Variants in FRMD4A observed in about 807,000 individuals in gnomAD.
The protein encoded by FRMD4A is FERM domain containing 4A.
In FRMD4A, 29 loss-of-function variants were observed where a neutral mutation model predicts 129.1. That is an observed-to-expected ratio of 0.22 (90% confidence interval 0.17 to 0.31). The LOEUF is 0.31. Ranked by LOEUF, FRMD4A falls within the 10% of genes least tolerant of loss-of-function variation. The probability of loss-of-function intolerance (pLI) is 1.00; values close to 1 mark genes in which losing one functional copy is unlikely to be tolerated. For missense variants in FRMD4A, 1,272 were observed against 1,375.8 expected (o/e 0.92, Z 1.19); for synonymous variants, 634 against 571.6 (o/e 1.11, Z -1.56).
intron 3 of FRMD4A, among the ~76,000 whole-genome samples, chr10:13,830,480 G>A (rs544906160): frequency 6.6e-6 from 1 of 152,338 alleles, no homozygotes; most frequent in East Asian, 1.9e-4. Context: ...AAGATGAGAG[G>A]TCAAGGTTCT....
chr10:14,035,591 T>C (rs1833460822), intron 2 of FRMD4A, among the ~76,000 whole-genome samples: 1 of 152,168 alleles, frequency 6.6e-6, no homozygotes, highest in Non-Finnish European at 1.5e-5. Context: ...AATCCTTCTG[T>C]TGTCTGTATT....
chr10:13,870,849 T>TTC (rs1272781656), intron 2 of FRMD4A: 1 of 152,296 alleles, frequency 6.6e-6, no homozygotes, highest in Non-Finnish European at 1.5e-5. Flanking sequence ...CAACGTTCAG[T>TTC]TATTGAGTTC....
chr10:13,809,491 T>C (rs1332432504), intron 4 of FRMD4A, among the ~76,000 whole-genome samples: 2 of 150,502 alleles, frequency 1.3e-5, no homozygotes, highest in African/African-American at 4.9e-5. Context: ...AAGTAATTGT[T>C]CTACATGTGC....
intron 2 of FRMD4A, among the ~76,000 whole-genome samples, chr10:13,931,864 G>A (rs71479852): frequency 0.41 from 61,760 of 150,824 alleles, 12,883 homozygotes; most frequent in Admixed American, 0.51. Flanking sequence ...CAGGAGAATC[G>A]CTTGAACCCG....
At chr10:14,128,046 C>CTCTTTCTT (rs534411383) in intron 2 of FRMD4A, among the ~76,000 whole-genome samples, 1,303 of 77,982 alleles carry the variant, frequency 0.017, 31 homozygotes, top group Middle Eastern at 0.024. Context: ...CTTTCTTTCC[C>CTCTTTCTT]TCTTTCTTTC....
intron 2 of FRMD4A, among the ~76,000 whole-genome samples, chr10:14,184,840 A>C (rs1029046214): frequency 6.6e-6 from 1 of 152,182 alleles, no homozygotes; most frequent in Non-Finnish European, 1.5e-5. Context: ...GAAATGATAG[A>C]TATCCTTACC....
chr10:13,883,424 G>GTGGT (rs1564968421), intron 2 of FRMD4A, among the ~76,000 whole-genome samples: 1 of 152,024 alleles, frequency 6.6e-6, no homozygotes, highest in Non-Finnish European at 1.5e-5. Context: ...CCTGGGAGGC[G>GTGGT]GAGGTTGTGG....
intron 2 of FRMD4A, among the ~76,000 whole-genome samples, chr10:14,281,238 A>T (rs1387603313): frequency 6.6e-6 from 1 of 152,032 alleles, no homozygotes; most frequent in African/African-American, 2.4e-5. Context: ...GTGATCTGCC[A>T]GCCTTGGCCT....
chr10:13,702,840 A>C (rs2086980866), intron 13 of FRMD4A, among the ~76,000 whole-genome samples: 1 of 151,742 alleles, frequency 6.6e-6, no homozygotes, highest in Non-Finnish European at 1.5e-5. Context: ...TTTAAGGAGA[A>C]ATTCAGATCC....
intron 6 of FRMD4A, among the ~76,000 whole-genome samples, chr10:13,779,121 G>C (rs939373434): frequency 6.6e-6 from 1 of 151,926 alleles, no homozygotes; most frequent in Non-Finnish European, 1.5e-5. Flanking sequence ...GTTCGAGACC[G>C]GCCTGACTAA....
intron 2 of FRMD4A, among the ~76,000 whole-genome samples, chr10:14,138,751 C>T (rs1203693913): frequency 6.7e-6 from 1 of 149,810 alleles, no homozygotes; most frequent in Admixed American, 6.7e-5. Context: ...CAGACAGACT[C>T]CATCTAAAAA....
intron 2 of FRMD4A, among the ~76,000 whole-genome samples, chr10:14,255,481 C>T (rs1334704083): frequency 1.3e-5 from 2 of 152,064 alleles, no homozygotes; most frequent in Admixed American, 6.6e-5. Flanking sequence ...CTGGTTGCAC[C>T]GCATACTTGG....
At chr10:13,846,445 G>A (rs893758372) in intron 3 of FRMD4A, among the ~76,000 whole-genome samples, 1 of 152,182 alleles carries the variant, frequency 6.6e-6, no homozygotes, top group African/African-American at 2.4e-5. Flanking sequence ...AGTGGGCTTG[G>A]GGGTGAAGGT....
At chr10:14,080,852 C>T (rs1005540160) in intron 2 of FRMD4A, among the ~76,000 whole-genome samples, 1 of 151,534 alleles carries the variant, frequency 6.6e-6, no homozygotes, top group Non-Finnish European at 1.5e-5. Context: ...GAACTGATCT[C>T]CAGGAGATAA....
At chr10:14,232,770 T>G (rs1477104704) in intron 2 of FRMD4A, among the ~76,000 whole-genome samples, 1 of 152,252 alleles carries the variant, frequency 6.6e-6, no homozygotes, top group African/African-American at 2.4e-5. Flanking sequence ...TGTACCCAGA[T>G]TTTGAATCCT....
rs957448096 is a variant in FRMD4A at position 13,662,990 on chromosome 10, C to T, written c.1660+463G>A. ...CTTTGGGAGGCCGAGGTGGGTGGGT[C>T]GCTTGAACCCAGGAGCAACATGGCA... On this transcript the variant is annotated intron_variant, in intron 19 of 24. Coordinates refer to ENST00000357447, the MANE Select transcript of FRMD4A (RefSeq NM_018027.5). Among the ~76,000 whole-genome samples the T allele has an allele frequency of 1.2e-4, 18 of 151,652 alleles. No individual in the cohort carries two copies. The East Asian group carries it at 1.9e-3, about 16-fold the overall frequency.
rs1248877892 is a variant in FRMD4A at position 14,011,370 on chromosome 10, G to A, written c.46-152458C>T. Among the ~76,000 whole-genome samples, 3 of 152,184 alleles carry A rather than the reference G, an allele frequency of 2.0e-5. No individual in the cohort carries two copies. The East Asian group carries it at 5.8e-4, about 29-fold the overall frequency. On this transcript the variant is annotated intron_variant, in intron 2 of 24. Transcript: ENST00000357447. The stretch of plus-strand genomic sequence containing the variant: ...GGGGGAGGCAGGGAGGCTGGCCTAA[G>A]GGGTCAAGGGAGGAGCCGAGTTATT...
rs115205840 is a variant in FRMD4A, at chr10:13,792,780, C to T, written c.299+3716G>A. On this transcript the variant is annotated intron_variant, in intron 5 of 24. Transcript: ENST00000357447. ...GGTTGAAAAACTGGATGGACCAGGCCCCTCTTAGGCTGAATGATGGGTCAA... is the reference window on the plus strand; with the variant it reads ...GGTTGAAAAACTGGATGGACCAGGCTCCTCTTAGGCTGAATGATGGGTCAA... Among the ~76,000 whole-genome samples, 474 of 152,220 alleles carry T rather than the reference C, an allele frequency of 3.1e-3. 5 individuals are homozygous for T. The highest frequency in any genetic ancestry group is 0.011 in the African/African-American group (455 of 41,528).
chr10:13,706,613 C>T (rs1472097084), intron 13 of FRMD4A, among the ~76,000 whole-genome samples: 1 of 152,162 alleles, frequency 6.6e-6, no homozygotes, highest in African/African-American at 2.4e-5. Flanking sequence ...GCCTGAAATA[C>T]TTTTAGAAGC....
Sources: gnomAD v4.1 joint callset for allele counts (sites outside exome capture counted in the v4.1 genomes callset) on GRCh38, gnomAD v4.1.1 for gene constraint, MANE v1.5 for transcripts, NCBI Gene and HGNC (gene_info 2026-07-23, HGNC 2026-07-21) for gene names.